Variants in LRRTM4 observed in about 807,000 individuals in gnomAD.
LRRTM4 encodes leucine-rich repeat transmembrane neuronal protein 4.
Under a neutral mutation model 47.6 loss-of-function variants are expected in LRRTM4, and 25 were observed. The ratio of observed to expected loss-of-function variants is 0.53; its 90% CI spans 0.38 to 0.73. The LOEUF (loss-of-function observed/expected upper bound fraction) is 0.73. Among genes scored for constraint, LRRTM4 ranks in the 30% least tolerant of loss-of-function variants. LRRTM4 has a pLI of 0.00. For missense variants in LRRTM4, 638 were observed against 713.4 expected (o/e 0.89, Z 1.20); for synonymous variants, 311 against 269.5 (o/e 1.15, Z -1.51).
chr2:76,778,630 A>G (rs1352209841), intron 3 of LRRTM4, among the ~76,000 whole-genome samples: 3 of 151,904 alleles, frequency 2.0e-5, no homozygotes, highest in Admixed American at 6.6e-5. Context: ...TTTTTACTGC[A>G]TCCATTTGAT....
intron 3 of LRRTM4, among the ~76,000 whole-genome samples, chr2:76,877,501 A>G (rs1672811269): frequency 2.0e-5 from 3 of 152,122 alleles, no homozygotes; most frequent in South Asian, 2.1e-4. Flanking sequence ...AATAATGCCT[A>G]TGATTATTGG....
chr2:76,915,595 T>G (rs1674215852), intron 3 of LRRTM4, among the ~76,000 whole-genome samples: 1 of 152,166 alleles, frequency 6.6e-6, no homozygotes, highest in African/African-American at 2.4e-5. Context: ...GTTTTATTTT[T>G]TATTATTCTT....
At chr2:77,333,957 G>T (rs1671066193) in intron 3 of LRRTM4, among the ~76,000 whole-genome samples, 1 of 152,170 alleles carries the variant, frequency 6.6e-6, no homozygotes, top group Non-Finnish European at 1.5e-5. Context: ...CCCGCCTGTT[G>T]CATCAACATG....
At chr2:76,790,701 C>G (rs190334784) in intron 3 of LRRTM4, among the ~76,000 whole-genome samples, 4 of 149,086 alleles carry the variant, frequency 2.7e-5, no homozygotes, top group Non-Finnish European at 6.0e-5. Context: ...TTGGATAGAC[C>G]CCCCCCCACC....
At chr2:76,928,380 AG>A (rs1368766853) in intron 3 of LRRTM4, among the ~76,000 whole-genome samples, 2 of 152,200 alleles carry the variant, frequency 1.3e-5, no homozygotes, top group African/African-American at 4.8e-5. Flanking sequence ...AAACAAGTGC[AG>A]GACTAGAGGC....
intron 3 of LRRTM4, among the ~76,000 whole-genome samples, chr2:76,912,130 A>G (rs1425612651): frequency 6.6e-6 from 1 of 152,142 alleles, no homozygotes; most frequent in African/African-American, 2.4e-5. Flanking sequence ...CATGTTATCC[A>G]GGATGGTCTC....
At chr2:77,461,028 G>C (rs528946220) in intron 3 of LRRTM4, among the ~76,000 whole-genome samples, 1 of 152,040 alleles carries the variant, frequency 6.6e-6, no homozygotes, top group African/African-American at 2.4e-5. Flanking sequence ...TTTTAACCTA[G>C]AGGCAATCCT....
chr2:77,188,258 C>T (rs1301766917), intron 3 of LRRTM4, among the ~76,000 whole-genome samples: 8 of 152,150 alleles, frequency 5.3e-5, no homozygotes, highest in African/African-American at 1.4e-4. Context: ...TTCTACTCCA[C>T]CTTTATTTGC....
intron 3 of LRRTM4, among the ~76,000 whole-genome samples, chr2:76,785,311 C>G (rs1003643428): frequency 3.3e-5 from 5 of 152,032 alleles, no homozygotes; most frequent in African/African-American, 1.2e-4. Flanking sequence ...GCCCATGAAA[C>G]AAGATCTGAT....
At chr2:76,861,419 G>C (rs1356393554) in intron 3 of LRRTM4, among the ~76,000 whole-genome samples, 1 of 151,884 alleles carries the variant, frequency 6.6e-6, no homozygotes, top group African/African-American at 2.4e-5. Flanking sequence ...TTACCTCCAA[G>C]ACGAATGGAA....
intron 3 of LRRTM4, among the ~76,000 whole-genome samples, chr2:77,280,994 C>T (rs1285911335): frequency 6.6e-6 from 1 of 151,826 alleles, no homozygotes; most frequent in Non-Finnish European, 1.5e-5. Context: ...GCTACTAACC[C>T]TATTAAAGAA....
chr2:76,827,094 A>G (rs530257027), intron 3 of LRRTM4, among the ~76,000 whole-genome samples: 1 of 151,926 alleles, frequency 6.6e-6, no homozygotes, highest in African/African-American at 2.4e-5. Flanking sequence ...AAATCAATAA[A>G]GTGGTTTCTG....
At chr2:76,911,263 GCTAACCTCATCC>G (rs1220869835) in intron 3 of LRRTM4, among the ~76,000 whole-genome samples, 1 of 152,104 alleles carries the variant, frequency 6.6e-6, no homozygotes, top group Non-Finnish European at 1.5e-5. Flanking sequence ...GTAAAAAGAT[GCTAACCTCATCC>G]CATCATTTGT....
intron 3 of LRRTM4, among the ~76,000 whole-genome samples, chr2:77,093,563 C>T (rs920754524): frequency 5.9e-5 from 9 of 151,832 alleles, no homozygotes; most frequent in African/African-American, 1.9e-4. Flanking sequence ...CCCTGAGAAA[C>T]ATCGCCCATT....
chr2:77,160,982 A>T (rs1411955548), intron 3 of LRRTM4, among the ~76,000 whole-genome samples: 1 of 152,040 alleles, frequency 6.6e-6, no homozygotes, highest in Non-Finnish European at 1.5e-5. Context: ...AAGATTAAGG[A>T]ATTTGTTTTT....
chr2:77,275,107 TG>T (rs1241866403), intron 3 of LRRTM4, among the ~76,000 whole-genome samples: 1 of 152,128 alleles, frequency 6.6e-6, no homozygotes, highest in African/African-American at 2.4e-5. Flanking sequence ...GTGGTTTCCA[TG>T]GGCCATTTAA....
chr2:76,968,722 G>T (rs537914495), intron 3 of LRRTM4, among the ~76,000 whole-genome samples: 3 of 151,566 alleles, frequency 2.0e-5, no homozygotes, highest in East Asian at 2.0e-4. Flanking sequence ...CACACTCTCC[G>T]GTAAGGATCC....
At chr2:76,804,763 AATATATATATCATGTTTT>A (rs1675883866) in intron 3 of LRRTM4, among the ~76,000 whole-genome samples, 1 of 140,658 alleles carries the variant, frequency 7.1e-6, no homozygotes, top group Non-Finnish European at 1.5e-5. Flanking sequence ...GTTTTATAAC[AATATATATATCATGTTTT>A]ATATATATAT....
chr2:77,324,620 T>C (rs1670686666), intron 3 of LRRTM4, among the ~76,000 whole-genome samples: 1 of 152,210 alleles, frequency 6.6e-6, no homozygotes, highest in Admixed American at 6.5e-5. Flanking sequence ...CTTGTAGTTA[T>C]AATAGAGTGA....
Sources: gnomAD v4.1 joint callset for allele counts (sites outside exome capture counted in the v4.1 genomes callset) on GRCh38, gnomAD v4.1.1 for gene constraint, MANE v1.5 for transcripts, NCBI Gene and HGNC (gene_info 2026-07-23, HGNC 2026-07-21) for gene names.